The following LRFN2 variants were observed in gnomAD, a reference collection of about 807,000 sequenced individuals.
LRFN2 encodes the protein leucine-rich repeat and fibronectin type-III domain-containing protein 2.
LRFN2 carries 18 observed loss-of-function variants against 37.3 expected under a neutral mutation model. The ratio of observed to expected loss-of-function variants is 0.48; its 90% CI spans 0.33 to 0.72. LRFN2 has a LOEUF of 0.72. Ranked by LOEUF, LRFN2 falls within the 30% of genes least tolerant of loss-of-function variation. The pLI is 0.02. For missense variants in LRFN2, 1,006 were observed against 1,060.7 expected (o/e 0.95, Z 0.72); for synonymous variants, 556 against 466.6 (o/e 1.19, Z -2.47).
At chr6:40,467,286 T>C (rs1013775495) in intron 1 of LRFN2, among the ~76,000 whole-genome samples, 3 of 152,050 alleles carry the variant, frequency 2.0e-5, no homozygotes, top group Non-Finnish European at 4.4e-5. Flanking sequence ...CTGTTCTTTC[T>C]ATCACTTGAT....
At chr6:40,499,236 T>C (rs1047753978) in intron 1 of LRFN2, among the ~76,000 whole-genome samples, 5 of 152,168 alleles carry the variant, frequency 3.3e-5, no homozygotes, top group African/African-American at 4.8e-5. Context: ...AGGGACTGCC[T>C]GCATCCTGGA....
At chr6:40,419,647 G>A (rs1336817956) in intron 2 of LRFN2, among the ~76,000 whole-genome samples, 1 of 152,144 alleles carries the variant, frequency 6.6e-6, no homozygotes, top group East Asian at 1.9e-4. Flanking sequence ...GGCCCTCACA[G>A]GCCTTTGACT....
At chr6:40,411,050 G>A (rs1762954753) in intron 2 of LRFN2, among the ~76,000 whole-genome samples, 1 of 152,268 alleles carries the variant, frequency 6.6e-6, no homozygotes, top group Non-Finnish European at 1.5e-5. Flanking sequence ...TGTCATCTTA[G>A]TGTGGAAGTA....
In LRFN2 at chr6:40,392,062, T is replaced by G. The variant is rs1308267039; in HGVS notation, c.2251A>C (p.Ile751Leu). 1 of 1,613,996 alleles carries G rather than the reference T, an allele frequency of 6.2e-7. No individual in the cohort carries two copies. Among genetic ancestry groups the G allele is most frequent in the East Asian group, 2.2e-5 (1 of 44,860 alleles). The change falls in exon 3 of 3, where the codon ATC becomes CTC. Residue 751 changes from isoleucine (I) to leucine (L), a missense_variant. This residue lies in a region of LRFN2 where 398 missense variants were observed against 327.6 expected (regional missense o/e 1.21). Transcript: ENST00000338305. This position sits in a 1 kb window ranked among gnomAD's most constrained non-coding sequence, Gnocchi z 4.7. ...GYSPPRKVSNIWTKRSLSVNG... is the reference protein window; with the variant it reads ...GYSPPRKVSNLWTKRSLSVNG... ...ACAGAGAGGCTGCGCTTCGTCCAGA[T>G]GTTCGAGACCTTCCGAGGAGGACTG... is the stretch of plus-strand genomic sequence containing the variant.
At chr6:40,471,232 T>G (rs1581731281) in intron 1 of LRFN2, among the ~76,000 whole-genome samples, 1 of 151,938 alleles carries the variant, frequency 6.6e-6, no homozygotes, top group African/African-American at 2.4e-5. Context: ...GAAGCCAGGG[T>G]AGAAGGTACA....
At chr6:40,477,446 G>GAA (rs1386417108) in intron 1 of LRFN2, among the ~76,000 whole-genome samples, 1 of 152,210 alleles carries the variant, frequency 6.6e-6, no homozygotes, top group African/African-American at 2.4e-5. Context: ...CCAAAACCCA[G>GAA]AGAGGTTAGG....
rs749352903 is a variant in LRFN2 at position 40,432,956 on chromosome 6, C to T, written c.158G>A (p.Arg53Gln). The T allele has an allele frequency of 6.2e-6, 10 of 1,613,632 alleles. No homozygotes were observed. In the East Asian group the frequency reaches 6.7e-5, roughly 11 times the overall value. ...GCCGCCCAGGCGCAGCTCCACTGTCCGCCGGTCAATATCAGGGGGTACAAA... is the reference window on the plus strand; with the variant it reads ...GCCGCCCAGGCGCAGCTCCACTGTCTGCCGGTCAATATCAGGGGGTACAAA... ...LLFVPPDIDR[R>Q]TVELRLGGNF... The change falls in exon 2 of 3, where the codon CGG (arginine) becomes CAG (glutamine). Residue 53 changes from arginine (R) to glutamine (Q), a missense_variant. Around this residue, in one of 4 missense-constraint regions of LRFN2, gnomAD observed 185 missense variants for 254.9 expected, o/e 0.73. Transcript: ENST00000338305.
At chr6:40,438,267 C>T (rs939739825) in intron 1 of LRFN2, among the ~76,000 whole-genome samples, 3 of 152,188 alleles carry the variant, frequency 2.0e-5, no homozygotes, top group Non-Finnish European at 4.4e-5. Flanking sequence ...AGGATAGAAA[C>T]AGTATCTCCT....
At chr6:40,393,935 A>AG (rs898421972) in intron 2 of LRFN2, among the ~76,000 whole-genome samples, 3 of 152,264 alleles carry the variant, frequency 2.0e-5, no homozygotes, top group East Asian at 3.9e-4. Flanking sequence ...ATGCAGGAGA[A>AG]GGGGGCCTGC....
chr6:40,548,396 G>T (rs191598616), intron 1 of LRFN2, among the ~76,000 whole-genome samples: 1 of 150,968 alleles, frequency 6.6e-6, no homozygotes, highest in Non-Finnish European at 1.5e-5. Flanking sequence ...AGCAGAGATC[G>T]TGCCATTGCA....
intron 1 of LRFN2, among the ~76,000 whole-genome samples, chr6:40,473,709 T>A (rs1240909773): frequency 6.6e-6 from 1 of 152,072 alleles, no homozygotes; most frequent in Admixed American, 6.6e-5. Flanking sequence ...GCATTAGGTA[T>A]TTGTCCTAAT....
intron 1 of LRFN2, among the ~76,000 whole-genome samples, chr6:40,568,087 T>C (rs1767121555): frequency 6.6e-6 from 1 of 152,180 alleles, no homozygotes; most frequent in African/African-American, 2.4e-5. Flanking sequence ...TCTCTCTCTC[T>C]TATAAACTGG....
At chr6:40,570,994 A>G (rs534146432) in intron 1 of LRFN2, among the ~76,000 whole-genome samples, 54 of 152,220 alleles carry the variant, frequency 3.5e-4, no homozygotes, top group Non-Finnish European at 6.6e-4. Context: ...AGAATGGCCT[A>G]GAGGAACTTA....
At position 40,432,193 on chromosome 6, in the gene LRFN2, T is replaced by G. The variant is rs1581699878; in HGVS notation, c.921A>C (p.Thr307=). 1 of 1,613,746 alleles carries G rather than the reference T, an allele frequency of 6.2e-7. No individual in the cohort carries two copies. The highest frequency in any genetic ancestry group is 1.7e-5 in the Admixed American group (1 of 60,020). Reference sequence around the variant, plus strand: ...GGTCCCCAATGGCTTTGCACTTGAGTGTGGCCGCCTGGCCCTCCAGAACCA... The same window carrying G: ...GGTCCCCAATGGCTTTGCACTTGAGGGTGGCCGCCTGGCCCTCCAGAACCA... ...KLLVLEGQAA[T]LKCKAIGDPS... is the part of the protein sequence containing the mutation. The change falls in exon 2 of 3, where the codon ACA becomes ACC. Residue 307 remains threonine, a synonymous_variant. Transcript: ENST00000338305.
chr6:40,424,827 T>C (rs905505249), intron 2 of LRFN2, among the ~76,000 whole-genome samples: 2 of 152,108 alleles, frequency 1.3e-5, no homozygotes, highest in Non-Finnish European at 2.9e-5. Context: ...AGAACACCTG[T>C]CCCTAACAGC....
intron 1 of LRFN2, among the ~76,000 whole-genome samples, chr6:40,528,614 T>C (rs1766295978): frequency 1.3e-5 from 2 of 152,162 alleles, no homozygotes; most frequent in African/African-American, 4.8e-5. Flanking sequence ...TGACTTCCGA[T>C]GAGGTTACAT....
At chr6:40,397,223 A>G (rs903679407) in intron 2 of LRFN2, among the ~76,000 whole-genome samples, 3 of 152,150 alleles carry the variant, frequency 2.0e-5, no homozygotes, top group Non-Finnish European at 2.9e-5. Context: ...CCTCCAAGCT[A>G]TAGCTGGGGA....
At chr6:40,506,557 A>G (rs1765544411) in intron 1 of LRFN2, among the ~76,000 whole-genome samples, 1 of 152,202 alleles carries the variant, frequency 6.6e-6, no homozygotes, top group African/African-American at 2.4e-5. Context: ...ATTTAGGATC[A>G]TGAGGAAGGT....
chr6:40,514,996 C>A (rs965582191), intron 1 of LRFN2, among the ~76,000 whole-genome samples: 3 of 152,260 alleles, frequency 2.0e-5, no homozygotes, highest in Non-Finnish European at 4.4e-5. Context: ...CCCAGACTGC[C>A]TGGCCTGCAG....
Sources: gnomAD v4.1 joint callset for allele counts (sites outside exome capture counted in the v4.1 genomes callset) on GRCh38, gnomAD v4.1.1 for gene constraint, gnomAD v4.1.1 regional missense constraint, Gnocchi (gnomAD v3.1) non-coding constraint, MANE v1.5 for transcripts, NCBI Gene and HGNC (gene_info 2026-07-23, HGNC 2026-07-21) for gene names.